DSCAML1: variants seen among roughly 807,000 people sequenced by gnomAD.
DSCAML1 encodes the protein cell adhesion molecule DSCAML1.
A neutral mutation model predicts 200.5 loss-of-function variants in DSCAML1; 38 were observed. That is an observed-to-expected ratio of 0.19 (90% CI 0.15 to 0.25). The LOEUF (loss-of-function observed/expected upper bound fraction) is 0.25, where lower values mean the gene tolerates loss of function less well. Among genes scored for constraint, DSCAML1 ranks in the 10% least tolerant of loss-of-function variants. DSCAML1 has a pLI of 1.00. For missense variants in DSCAML1, 2,223 were observed against 2,858.8 expected (o/e 0.78, Z 5.07); for synonymous variants, 1,215 against 1,165.0 (o/e 1.04, Z -0.87).
intron 3 of DSCAML1, among the ~76,000 whole-genome samples, chr11:117,743,328 A>T (rs538184355): frequency 6.6e-6 from 1 of 152,184 alleles, no homozygotes; most frequent in Non-Finnish European, 1.5e-5. Context: ...CAGTCCCCAG[A>T]GGGTTACAGT....
At chr11:117,539,066 A>G (rs1426195271) in intron 3 of DSCAML1, among the ~76,000 whole-genome samples, 2 of 152,142 alleles carry the variant, frequency 1.3e-5, no homozygotes, top group Non-Finnish European at 2.9e-5. Context: ...CCGGTCATAA[A>G]ACAGGCACTC....
chr11:117,536,884 CT>C (rs575500510), intron 3 of DSCAML1, among the ~76,000 whole-genome samples: 4 of 152,170 alleles, frequency 2.6e-5, no homozygotes, highest in Admixed American at 6.5e-5. Flanking sequence ...CAGGACTCTA[CT>C]TTTTTTAAAG....
At chr11:117,571,068 T>C (rs924420609) in intron 3 of DSCAML1, among the ~76,000 whole-genome samples, 9 of 152,238 alleles carry the variant, frequency 5.9e-5, no homozygotes, top group African/African-American at 2.2e-4. Context: ...AGAGAAATGA[T>C]ATAATGAAAC....
At chr11:117,442,513 T>C (rs1394402789) in intron 21 of DSCAML1, among the ~76,000 whole-genome samples, 3 of 152,052 alleles carry the variant, frequency 2.0e-5, no homozygotes, top group African/African-American at 4.8e-5. Flanking sequence ...GCAGTGTGTG[T>C]GTGCGTGTGT....
chr11:117,615,654 T>C (rs2051797120), intron 3 of DSCAML1, among the ~76,000 whole-genome samples: 1 of 151,678 alleles, frequency 6.6e-6, no homozygotes, highest in Non-Finnish European at 1.5e-5. Flanking sequence ...TACCAGATTG[T>C]AGAAGGAAGT....
chr11:117,439,364 A>C lies in DSCAML1; in HGVS notation c.4046T>G (p.Leu1349Arg), dbSNP rs1244686446. 1 of 1,613,882 alleles carries C rather than the reference A, an allele frequency of 6.2e-7. No individual in the cohort carries two copies. Among genetic ancestry groups the C allele is most frequent in the Non-Finnish European group, 8.5e-7 (1 of 1,180,006 alleles). The stretch of plus-strand genomic sequence containing the variant: ...GTCCTCAGCCTTCACTGCACGCAGC[A>C]GCAGTGTGCCATTGGTGTGGATGAG... ...HRLIHTNGTL[L>R]LRAVKAEDSG... The change falls in exon 23 of 33, where the codon CTG becomes CGG. Residue 1349 changes from leucine (L) to arginine (R), a missense_variant. Physicochemically the swap from Leu to Arg is moderately radical, Grantham distance 102. Transcript: ENST00000651296.
intron 3 of DSCAML1, among the ~76,000 whole-genome samples, chr11:117,626,204 C>G (rs1046174772): frequency 4.7e-5 from 4 of 85,362 alleles, no homozygotes; most frequent in Admixed American, 1.3e-4. Context: ...CTGAGACCCC[C>G]CCCCCTCCTT....
At position 117,539,606 on chromosome 11, in the gene DSCAML1, C is replaced by CAAAAAAAAAAA. The variant is rs35130897; in HGVS notation, c.512-7095_512-7085dup. 4.1e-3 allele frequency among the ~76,000 whole-genome samples: 217 copies of CAAAAAAAAAAA among 52,600 alleles called. 1 individual carries two copies. Among genetic ancestry groups the CAAAAAAAAAAA allele is most frequent in the Middle Eastern group, 0.016 (1 of 64 alleles). 34.5% of individuals were successfully genotyped at this position (52,600 alleles called of 152,430 possible). ...CTGGGCAACAAGAGTAAAACTCTGT[C>CAAAAAAAAAAA]AAAAAAAAAAAAAAAAAAAAAAAAG... On this transcript the variant is annotated intron_variant, in intron 3 of 32. Coordinates refer to ENST00000651296, the MANE Select transcript of DSCAML1 (RefSeq NM_020693.4).
rs372098451 is a variant in DSCAML1, at chr11:117,504,065, C to T, written c.2183-44G>A. On this transcript the variant is annotated intron_variant, in intron 10 of 32. Coordinates refer to ENST00000651296, the MANE Select transcript of DSCAML1 (RefSeq NM_020693.4). This position sits in a 1 kb window ranked among gnomAD's most constrained non-coding sequence, Gnocchi z 5.0. ...TAGGAGGGCTGAGTCTGCACTGGGG[C>T]ATAAGCTGAGAGTGCCCCAGGAGTG... 3.1e-6 allele frequency: 5 copies of T among 1,601,516 alleles called. No individual in the cohort carries two copies. Among genetic ancestry groups the T allele is most frequent in the East Asian group, 4.5e-5 (2 of 44,766 alleles).
chr11:117,596,031 A>G (rs1443753370), intron 3 of DSCAML1, among the ~76,000 whole-genome samples: 2 of 152,210 alleles, frequency 1.3e-5, no homozygotes, highest in Non-Finnish European at 2.9e-5. Context: ...AATAACTGCA[A>G]ACATTCCTGG....
At chr11:117,607,542 C>A (rs1330395198) in intron 3 of DSCAML1, among the ~76,000 whole-genome samples, 1 of 152,194 alleles carries the variant, frequency 6.6e-6, no homozygotes, top group Non-Finnish European at 1.5e-5. Flanking sequence ...AAGGGACTAG[C>A]TACAGAGGTG....
intron 1 of DSCAML1, among the ~76,000 whole-genome samples, chr11:117,795,909 GA>G (rs1269339917): frequency 2.0e-5 from 3 of 152,200 alleles, no homozygotes; most frequent in African/African-American, 7.2e-5. Context: ...AGGGCAAAGG[GA>G]GAGAGAAGCC....
intron 3 of DSCAML1, among the ~76,000 whole-genome samples, chr11:117,729,123 G>T (rs1288005819): frequency 3.9e-5 from 6 of 152,168 alleles, no homozygotes; most frequent in Admixed American, 3.9e-4. Flanking sequence ...CACAAATAGG[G>T]TCAACTGATT....
chr11:117,600,210 C>T (rs748010116), intron 3 of DSCAML1, among the ~76,000 whole-genome samples: 9 of 152,342 alleles, frequency 5.9e-5, no homozygotes, highest in South Asian at 2.1e-4. Context: ...CCGTTGCCGG[C>T]GGGAGTTCCT....
chr11:117,671,826 C>A (rs2053113782), intron 3 of DSCAML1, among the ~76,000 whole-genome samples: 2 of 152,056 alleles, frequency 1.3e-5, no homozygotes, highest in African/African-American at 4.8e-5. Context: ...TAAAAGAAAC[C>A]TTGGGGCCGG....
At chr11:117,628,343 T>C (rs2052099082) in intron 3 of DSCAML1, among the ~76,000 whole-genome samples, 1 of 152,154 alleles carries the variant, frequency 6.6e-6, no homozygotes, top group South Asian at 2.1e-4. Context: ...CGGCTGATCC[T>C]CATGACCTCT....
intron 3 of DSCAML1, among the ~76,000 whole-genome samples, chr11:117,533,585 CTA>C (rs1409054705): frequency 6.6e-6 from 1 of 152,210 alleles, no homozygotes; most frequent in African/African-American, 2.4e-5. Context: ...GCACGGTGCT[CTA>C]TGTCTCCTGC....
chr11:117,432,209 C>T (rs534526201), intron 30 of DSCAML1, 143 bp downstream of exon 30: 46 of 961,672 alleles, frequency 4.8e-5, no homozygotes, highest in Middle Eastern at 3.5e-4. Flanking sequence ...GGTCTCCAGA[C>T]GCTCATTCCA....
At chr11:117,527,761 C>T (rs2050003357) in intron 4 of DSCAML1, among the ~76,000 whole-genome samples, 1 of 152,168 alleles carries the variant, frequency 6.6e-6, no homozygotes, top group Admixed American at 6.5e-5. Flanking sequence ...GGAAGCTTTC[C>T]TCTGCCCTCA....
Sources: allele counts gnomAD v4.1 joint callset (sites outside exome capture counted in the v4.1 genomes callset), GRCh38; gene constraint gnomAD v4.1.1; non-coding constraint Gnocchi (gnomAD v3.1); transcripts MANE v1.5; gene names NCBI Gene and HGNC (gene_info 2026-07-23, HGNC 2026-07-21).